The following EXT1 variants were observed in gnomAD, a reference collection of about 807,000 sequenced individuals.
The protein encoded by EXT1 is exostosin glycosyltransferase 1.
In EXT1, 20 loss-of-function variants were observed where a neutral mutation model predicts 82.5. The ratio of observed to expected loss-of-function variants is 0.24; its 90% CI spans 0.17 to 0.35. EXT1 has a LOEUF of 0.35. EXT1 is among the 10% of genes least tolerant of loss of function. The probability of loss-of-function intolerance (pLI) is 1.00; values close to 1 mark genes in which losing one functional copy is unlikely to be tolerated. For missense variants in EXT1, 757 were observed against 936.5 expected (o/e 0.81, Z 2.50); for synonymous variants, 348 against 350.8 (o/e 0.99, Z 0.09).
rs1471694728 is a variant in EXT1, at chr8:117,837,072, T to C, written c.1056+36A>G. 2.0e-6 allele frequency: 3 copies of C among 1,510,270 alleles called. No individual in the cohort carries two copies. In the East Asian group the frequency reaches 6.8e-5, roughly 34 times the overall value. 93.6% of individuals were successfully genotyped at this position (1,510,270 alleles called of 1,614,324 possible). A position where few individuals can be genotyped will look rare whatever the true frequency, so the allele number is the denominator to read the frequency against. On this transcript the variant is annotated intron_variant, in intron 2 of 10. Transcript: ENST00000378204. ...AACCCACTTAATCTGGCTTCGGTCC[T>C]CAGCCCTATTCTGGGAAGGCTCCAG... is the stretch of plus-strand genomic sequence containing the variant.
chr8:117,997,976 G>A (rs1211569866), intron 1 of EXT1, among the ~76,000 whole-genome samples: 1 of 150,766 alleles, frequency 6.6e-6, no homozygotes, highest in East Asian at 1.9e-4. Context: ...GAAACCCACT[G>A]CCATTCCTGC....
chr8:117,982,448 G>T (rs963165036), intron 1 of EXT1, among the ~76,000 whole-genome samples: 2 of 152,124 alleles, frequency 1.3e-5, no homozygotes, highest in African/African-American at 4.8e-5. Flanking sequence ...TTCCACCTAA[G>T]ATAATCTCCC....
rs1367725393 is a variant in EXT1 at position 117,860,863 on chromosome 8, C to A, written c.963-23662G>T. Among the ~76,000 whole-genome samples the A allele has an allele frequency of 2.0e-5, 3 of 152,178 alleles. 1 individual carries two copies. The stretch of plus-strand genomic sequence containing the variant: ...CCCCTGTAGGCATCTGAGTTAGTAA[C>A]CCCTGGTCTACAGGTAAAGGGGCTA... On this transcript the variant is annotated intron_variant, in intron 1 of 10. Coordinates refer to ENST00000378204, the MANE Select transcript of EXT1 (RefSeq NM_000127.3).
At chr8:118,024,548 C>A (rs1021274325) in intron 1 of EXT1, among the ~76,000 whole-genome samples, 7 of 151,856 alleles carry the variant, frequency 4.6e-5, no homozygotes, top group Non-Finnish European at 7.4e-5. Context: ...AAAACAGCTT[C>A]ATTTCTGTCT....
intron 1 of EXT1, among the ~76,000 whole-genome samples, chr8:118,054,748 C>A (rs972669277): frequency 6.6e-6 from 1 of 152,160 alleles, no homozygotes; most frequent in African/African-American, 2.4e-5. Context: ...CACTACCAGG[C>A]ACAGTTAAGC....
chr8:117,927,185 G>A (rs1454044350), intron 1 of EXT1, among the ~76,000 whole-genome samples: 5 of 152,074 alleles, frequency 3.3e-5, no homozygotes, highest in Admixed American at 1.3e-4. Flanking sequence ...CTCCCCAGCC[G>A]GCTATCATCT....
At chr8:117,877,585 T>C (rs183734303) in intron 1 of EXT1, among the ~76,000 whole-genome samples, 1 of 152,368 alleles carries the variant, frequency 6.6e-6, no homozygotes, top group Non-Finnish European at 1.5e-5. Flanking sequence ...CACTTCATGT[T>C]GAAATTTCTC....
At chr8:118,067,440 T>C (rs1817012153) in intron 1 of EXT1, among the ~76,000 whole-genome samples, 1 of 152,246 alleles carries the variant, frequency 6.6e-6, no homozygotes, top group South Asian at 2.1e-4. Flanking sequence ...GCAGGTGCTA[T>C]AGCATTCACT....
intron 1 of EXT1, among the ~76,000 whole-genome samples, chr8:118,015,710 G>T (rs1254390418): frequency 6.6e-6 from 1 of 152,162 alleles, no homozygotes; most frequent in Non-Finnish European, 1.5e-5. Flanking sequence ...CTCCCAAAAA[G>T]ATATGCCAAA....
At chr8:117,937,232 C>G (rs1192252204) in intron 1 of EXT1, among the ~76,000 whole-genome samples, 1 of 152,158 alleles carries the variant, frequency 6.6e-6, no homozygotes, top group Admixed American at 6.5e-5. Context: ...GAGGATTGCA[C>G]GAGATTACCC....
At chr8:118,090,809 A>G (rs1023665302) in intron 1 of EXT1, among the ~76,000 whole-genome samples, 3 of 140,704 alleles carry the variant, frequency 2.1e-5, no homozygotes, top group African/African-American at 7.9e-5. Flanking sequence ...AAAAAAAAAA[A>G]GCATGTGCCT....
At chr8:118,062,052 C>T (rs1038468211) in intron 1 of EXT1, among the ~76,000 whole-genome samples, 4 of 151,964 alleles carry the variant, frequency 2.6e-5, no homozygotes, top group African/African-American at 4.8e-5. Flanking sequence ...GGTACAGCTT[C>T]ATTAAAAAAA....
intron 1 of EXT1, among the ~76,000 whole-genome samples, chr8:117,986,559 T>C (rs1363233765): frequency 6.6e-6 from 1 of 152,186 alleles, no homozygotes; most frequent in Non-Finnish European, 1.5e-5. Context: ...AGCCCATTAA[T>C]CCAGACTATC....
At chr8:117,899,048 G>A (rs1341150224) in intron 1 of EXT1, among the ~76,000 whole-genome samples, 1 of 152,070 alleles carries the variant, frequency 6.6e-6, no homozygotes, top group Non-Finnish European at 1.5e-5. Flanking sequence ...AAAAATAAAT[G>A]AAAGCAATTT....
At chr8:118,073,632 A>AGAGAAAGAAG (rs201535579) in intron 1 of EXT1, among the ~76,000 whole-genome samples, 1 of 89,478 alleles carries the variant, frequency 1.1e-5, no homozygotes, top group Non-Finnish European at 2.2e-5. Context: ...AGAGAAGAGA[A>AGAGAAAGAAG]AGAAGAGAAG....
At chr8:118,070,458 T>C (rs1258577522) in intron 1 of EXT1, among the ~76,000 whole-genome samples, 1 of 152,202 alleles carries the variant, frequency 6.6e-6, no homozygotes, top group Non-Finnish European at 1.5e-5. Flanking sequence ...AAATTACTTC[T>C]CTTTTAAAAC....
At chr8:117,808,667 G>A in intron 8 of EXT1, among the ~76,000 whole-genome samples, 1 of 152,162 alleles carries the variant, frequency 6.6e-6, no homozygotes, top group East Asian at 1.9e-4. Context: ...GGGACGGAGG[G>A]ATGCTGCTAG....
At chr8:117,814,237 G>GTGTGTGTGTA (rs1811751763) in intron 7 of EXT1, among the ~76,000 whole-genome samples, 1 of 107,456 alleles carries the variant, frequency 9.3e-6, no homozygotes, top group East Asian at 2.8e-4. Context: ...ACACAGTGGT[G>GTGTGTGTGTA]TGTGTGTGTG....
chr8:117,891,484 A>G (rs1175558918), intron 1 of EXT1, among the ~76,000 whole-genome samples: 1 of 151,502 alleles, frequency 6.6e-6, no homozygotes, highest in East Asian at 2.0e-4. Context: ...GTGGCAGTTT[A>G]CAAATCTGAA....
Sources: gnomAD v4.1 joint callset for allele counts (sites outside exome capture counted in the v4.1 genomes callset) on GRCh38, gnomAD v4.1.1 for gene constraint, MANE v1.5 for transcripts, NCBI Gene and HGNC (gene_info 2026-07-23, HGNC 2026-07-21) for gene names.